The following MRPS27 variants were observed in gnomAD, a reference collection of about 807,000 sequenced individuals.
MRPS27 encodes small ribosomal subunit protein mS27.
A neutral mutation model predicts 48.9 loss-of-function variants in MRPS27; 43 were observed. The ratio of observed to expected loss-of-function variants is 0.88; its 90% confidence interval spans 0.69 to 1.13. The LOEUF (loss-of-function observed/expected upper bound fraction) is 1.13. Among genes scored for constraint, MRPS27 ranks in the 50% most tolerant of loss-of-function variants. The pLI is 0.00. For synonymous variants in MRPS27, 188 were observed against 171.9 expected, an observed-to-expected ratio of 1.09 and a Z score of -0.73; for missense variants, 467 against 476.3, an observed-to-expected ratio of 0.98 and a Z score of 0.18.
chr5:72,223,701 T>C lies in MRPS27; in HGVS notation c.987A>G (p.Gln329=), dbSNP rs1450718873. The C allele has an allele frequency of 2.5e-6, 4 of 1,613,934 alleles. No individual in the cohort carries two copies. Among genetic ancestry groups the C allele is most frequent in the Admixed American group, 3.3e-5 (2 of 60,004 alleles). The change falls in exon 10 of 11, where the codon CAA becomes CAG. Residue 329 remains glutamine (Q), a synonymous_variant. Transcript: ENST00000261413. ...GATTCACCTTAAATCGTTCCAGGTA[T>C]TGAGGAAGCTTGGACTGCTCTGTTT... ...IEETEQSKLP[Q]YLERFKALHS... is the part of the protein sequence containing the mutation.
chr5:72,244,931 T>A (rs1748471380), intron 4 of MRPS27, among the ~76,000 whole-genome samples: 1 of 152,056 alleles, frequency 6.6e-6, no homozygotes, highest in African/African-American at 2.4e-5. Flanking sequence ...CAGAATGAAG[T>A]CAGTTGTGTT....
intron 4 of MRPS27, among the ~76,000 whole-genome samples, chr5:72,281,556 T>C (rs1749533371): frequency 6.6e-6 from 1 of 152,168 alleles, no homozygotes; most frequent in South Asian, 2.1e-4. Context: ...AGGGTAAGTT[T>C]ATGAGTGTAG....
chr5:72,238,339 T>A (rs965657495), intron 4 of MRPS27, among the ~76,000 whole-genome samples: 4 of 152,166 alleles, frequency 2.6e-5, no homozygotes, highest in South Asian at 2.1e-4. Flanking sequence ...TAACAAAAAA[T>A]TTTACAAAAA....
chr5:72,280,286 G>C (rs1580094423), intron 4 of MRPS27, among the ~76,000 whole-genome samples: 1 of 152,212 alleles, frequency 6.6e-6, no homozygotes, highest in East Asian at 1.9e-4. Context: ...GAATTGCACT[G>C]AATTTATAGA....
chr5:72,220,961 TC>T lies in MRPS27; in HGVS notation c.1192del (p.Glu398SerfsTer84). 1 of 1,614,172 alleles carries T rather than the reference TC, an allele frequency of 6.2e-7. No individual in the cohort carries two copies. The highest frequency in any genetic ancestry group is 1.1e-5 in the South Asian group (1 of 91,084). ...AGCCTGGTACTCCTGCTTCGCTTGC[TC>T]CCTCTGTTGCTGTTCTCTCTGGATC... ...QLIQREQQQR[E>X]QAKQEYQAQK... On this transcript the variant is annotated frameshift_variant, in exon 11 of 11. Transcript: ENST00000261413. LOFTEE classifies it high-confidence loss of function.
intron 4 of MRPS27, among the ~76,000 whole-genome samples, chr5:72,289,245 A>G (rs1749755678): frequency 6.6e-6 from 1 of 152,180 alleles, no homozygotes; most frequent in Non-Finnish European, 1.5e-5. Flanking sequence ...TTGCCACGCA[A>G]TCTGAACTTC....
rs73125470 is a variant in MRPS27, at chr5:72,235,206, T to A, written c.397-1009A>T. On this transcript the variant is annotated intron_variant, in intron 5 of 10. Transcript: ENST00000261413. ...GTGTCTATATTTCTCAAAGCAGTCA[T>A]CCAAATCAGTATTAATCCCTAGGGC... 5.7e-3 allele frequency among the ~76,000 whole-genome samples: 863 copies of A among 152,216 alleles called. 2 individuals carry two copies. The highest frequency in any genetic ancestry group is 0.02 in the African/African-American group (814 of 41,570).
At chr5:72,288,141 A>AG (rs1749722885) in intron 4 of MRPS27, among the ~76,000 whole-genome samples, 1 of 152,130 alleles carries the variant, frequency 6.6e-6, no homozygotes. Context: ...TCCTATGATG[A>AG]GGCTCCAGAT....
intron 4 of MRPS27, among the ~76,000 whole-genome samples, chr5:72,242,369 T>G (rs779221619): frequency 6.6e-6 from 1 of 150,988 alleles, no homozygotes; most frequent in Non-Finnish European, 1.5e-5. Flanking sequence ...AGTGAAAGTC[T>G]TGGATATCAC....
intron 2 of MRPS27, among the ~76,000 whole-genome samples, chr5:72,299,757 T>C (rs1020309260): frequency 6.6e-6 from 1 of 152,244 alleles, no homozygotes; most frequent in Non-Finnish European, 1.5e-5. Context: ...GCATACTCTC[T>C]AAAATGTTTA....
chr5:72,241,761 G>A (rs1286269947), intron 4 of MRPS27: 6 of 1,451,680 alleles, frequency 4.1e-6, no homozygotes, highest in Non-Finnish European at 5.6e-6. Flanking sequence ...CAAACAGACT[G>A]GCTTTTGTTC....
chr5:72,249,547 C>G (rs1748601530), intron 4 of MRPS27, among the ~76,000 whole-genome samples: 1 of 151,408 alleles, frequency 6.6e-6, no homozygotes, highest in Admixed American at 6.6e-5. Context: ...TAGCCTGGCG[C>G]AGCAGCACGT....
At chr5:72,315,514 GC>G (rs1370112470) in intron 1 of MRPS27, among the ~76,000 whole-genome samples, 1 of 150,056 alleles carries the variant, frequency 6.7e-6, no homozygotes, top group African/African-American at 2.5e-5. Flanking sequence ...TCAAGATCAT[GC>G]CACTGCACTC....
chr5:72,312,883 G>C (rs1750477058), intron 2 of MRPS27, among the ~76,000 whole-genome samples: 1 of 152,130 alleles, frequency 6.6e-6, no homozygotes, highest in Admixed American at 6.5e-5. Flanking sequence ...CTCCCAAAGT[G>C]CTGGGATTAC....
In MRPS27 at chr5:72,234,294, C is replaced by A. The variant is rs370989455; in HGVS notation, c.397-97G>T. 17 of 1,029,220 alleles carry A rather than the reference C, an allele frequency of 1.7e-5. No homozygotes were observed. The East Asian group carries it at 6.1e-4, about 37-fold the overall frequency. The allele number at this position is 1,029,220 out of a possible 1,614,324, so 63.8% of individuals were successfully genotyped here. On this transcript the variant is annotated intron_variant, in intron 5 of 10. Coordinates refer to ENST00000261413, the MANE Select transcript of MRPS27 (RefSeq NM_015084.3). ...TATTATTCAGAATAAAACTTGCCAC[C>A]ATTAGCTTTAAAATATTTGACTATC... is the stretch of plus-strand genomic sequence containing the variant.
At chr5:72,272,020 CTAAA>C (rs367902725) in intron 4 of MRPS27, among the ~76,000 whole-genome samples, 180 of 150,986 alleles carry the variant, frequency 1.2e-3, no homozygotes, top group African/African-American at 4.2e-3. Flanking sequence ...TTTTTCCCCT[CTAAA>C]CAAACAAACA....
At chr5:72,267,129 G>GAA (rs1749124946) in intron 4 of MRPS27, among the ~76,000 whole-genome samples, 5 of 152,164 alleles carry the variant, frequency 3.3e-5, no homozygotes, top group Admixed American at 3.3e-4. Context: ...ACTGAGGTCA[G>GAA]CAATGCTAAA....
chr5:72,278,298 C>A (rs944474019), intron 4 of MRPS27, among the ~76,000 whole-genome samples: 1 of 151,986 alleles, frequency 6.6e-6, no homozygotes, highest in East Asian at 1.9e-4. Context: ...AAAAAATTAG[C>A]TGGGCATGGT....
intron 2 of MRPS27, among the ~76,000 whole-genome samples, chr5:72,307,370 AAG>A (rs1750300947): frequency 6.6e-6 from 1 of 151,656 alleles, no homozygotes; most frequent in African/African-American, 2.4e-5. Context: ...TAAAATAAGA[AAG>A]AGAGTATCAG....
Sources: gnomAD v4.1 joint callset for allele counts (sites outside exome capture counted in the v4.1 genomes callset) on GRCh38, gnomAD v4.1.1 for gene constraint, MANE v1.5 for transcripts, NCBI Gene and HGNC (gene_info 2026-07-23, HGNC 2026-07-21) for gene names.